Variants in CNTLN observed in about 807,000 individuals in gnomAD.
CNTLN encodes centlein, centrosomal protein.
In CNTLN, 212 loss-of-function variants were observed where a neutral mutation model predicts 180.0. The observed-to-expected ratio is 1.18, with a 90% CI of 1.05 to 1.32. CNTLN has a LOEUF of 1.32. Among genes scored for constraint, CNTLN ranks in the 40% most tolerant of loss-of-function variants. The pLI is 0.00. For missense variants in CNTLN, 2,095 were observed against 1,610.9 expected, an observed-to-expected ratio of 1.30 and a Z score of -5.14; for synonymous variants, 722 against 563.1, an observed-to-expected ratio of 1.28 and a Z score of -3.99.
At chr9:17,306,484 TG>T (rs1818726058) in intron 7 of CNTLN, among the ~76,000 whole-genome samples, 1 of 152,136 alleles carries the variant, frequency 6.6e-6, no homozygotes, top group South Asian at 2.1e-4. Flanking sequence ...AGAAGTTAGA[TG>T]AGAGGAGATA....
At chr9:17,258,707 T>C (rs1826707830) in intron 5 of CNTLN, among the ~76,000 whole-genome samples, 1 of 147,402 alleles carries the variant, frequency 6.8e-6, no homozygotes, top group Non-Finnish European at 1.5e-5. Flanking sequence ...GTAATTTGGA[T>C]TCCTAGGTAT....
chr9:17,509,728 A>G, the CNTLN span, among the ~76,000 whole-genome samples: 1 of 152,084 alleles, frequency 6.6e-6, no homozygotes, highest in Admixed American at 6.5e-5. Flanking sequence ...CAGGGGGTGG[A>G]ATTGGGAGTG....
chr9:17,214,542 C>T (rs1370595038), intron 2 of CNTLN, among the ~76,000 whole-genome samples: 1 of 152,114 alleles, frequency 6.6e-6, no homozygotes, highest in Admixed American at 6.5e-5. Context: ...CTTGGAGTTG[C>T]TCTTCTCGAG....
chr9:17,216,615 CTTATT>C lies in CNTLN; in HGVS notation c.450-9581_450-9577del, dbSNP rs1232556216. Among the ~76,000 whole-genome samples the C allele has an allele frequency of 2.0e-5, 3 of 152,014 alleles. No homozygotes were observed. In the East Asian group the frequency reaches 5.8e-4, roughly 29 times the overall value. On this transcript the variant is annotated intron_variant, in intron 2 of 25. Coordinates refer to ENST00000380647, the MANE Select transcript of CNTLN (RefSeq NM_017738.4). The stretch of plus-strand genomic sequence containing the variant: ...GATTGTCTTATTTTTATTTCTATTT[CTTATT>C]TTATTTCAATTTTTAGAGTTAAAGT...
At chr9:17,159,212 G>A (rs1363747279) in intron 2 of CNTLN, among the ~76,000 whole-genome samples, 7 of 152,168 alleles carry the variant, frequency 4.6e-5, no homozygotes, top group African/African-American at 1.7e-4. Context: ...CAAGCATATG[G>A]TCTATCCTGA....
chr9:17,328,679 A>G (rs916307771), intron 8 of CNTLN, among the ~76,000 whole-genome samples: 1 of 152,172 alleles, frequency 6.6e-6, no homozygotes, highest in Admixed American at 6.5e-5. Context: ...GGGGAGGAAC[A>G]TATCTACTTG....
At chr9:17,475,004 A>G (rs1832254415) in intron 23 of CNTLN, among the ~76,000 whole-genome samples, 1 of 152,198 alleles carries the variant, frequency 6.6e-6, no homozygotes, top group Non-Finnish European at 1.5e-5. Flanking sequence ...TACTTCTGCA[A>G]CTTCACTTTC....
intron 15 of CNTLN, among the ~76,000 whole-genome samples, chr9:17,399,863 G>A (rs990566304): frequency 6.6e-6 from 1 of 152,146 alleles, no homozygotes; most frequent in Non-Finnish European, 1.5e-5. Context: ...TGAATGAACA[G>A]CCACACTAAG....
intron 2 of CNTLN, among the ~76,000 whole-genome samples, chr9:17,181,911 G>A (rs1283913056): frequency 6.6e-6 from 1 of 152,220 alleles, no homozygotes; most frequent in Non-Finnish European, 1.5e-5. Flanking sequence ...CCTTGTTATT[G>A]CTGGGCAGAG....
Position 17,363,069 on chromosome 9 carries a change from C to T in CNTLN, c.1887-3548C>T, listed in dbSNP as rs148690172. On this transcript the variant is annotated intron_variant, in intron 12 of 25. Coordinates refer to ENST00000380647, the MANE Select transcript of CNTLN (RefSeq NM_017738.4). ...GTCCCTGCAAAGGACATGAAGTCAT[C>T]CTTTTTTATGGCTGCATAGTATTCC... 9.8e-3 allele frequency among the ~76,000 whole-genome samples: 1,498 copies of T among 152,292 alleles called. 27 individuals carry two copies. The highest frequency in any genetic ancestry group is 0.034 in the African/African-American group (1,422 of 41,554).
intron 14 of CNTLN, among the ~76,000 whole-genome samples, chr9:17,389,147 A>G (rs1348253631): frequency 2.6e-5 from 4 of 152,062 alleles, no homozygotes; most frequent in Non-Finnish European, 1.5e-5. Flanking sequence ...ACAGCAGATA[A>G]TGTGATTGTT....
chr9:17,393,459 A>G (rs575856043), intron 14 of CNTLN, among the ~76,000 whole-genome samples: 2 of 152,132 alleles, frequency 1.3e-5, no homozygotes, highest in African/African-American at 4.8e-5. Context: ...TTCATTTTCC[A>G]TACACGTCTG....
the CNTLN span, among the ~76,000 whole-genome samples, chr9:17,510,418 G>A: frequency 6.6e-6 from 1 of 152,286 alleles, no homozygotes; most frequent in Non-Finnish European, 1.5e-5. Flanking sequence ...TGAATTTTGT[G>A]TGTCAACCTG....
the CNTLN span, among the ~76,000 whole-genome samples, chr9:17,518,036 C>CTTTTTTTTTTTTTTTTTT: frequency 5.8e-5 from 4 of 69,244 alleles, no homozygotes; most frequent in Admixed American, 2.7e-4. Flanking sequence ...TTTTCTTTTC[C>CTTTTTTTTTTTTTTTTTT]TTTTTTTTTT....
At chr9:17,173,414 A>T (rs1040167506) in intron 2 of CNTLN, among the ~76,000 whole-genome samples, 4 of 152,048 alleles carry the variant, frequency 2.6e-5, no homozygotes, top group Non-Finnish European at 4.4e-5. Context: ...TGATACCCTG[A>T]TGCGTCTTAT....
intron 2 of CNTLN, among the ~76,000 whole-genome samples, chr9:17,153,024 A>G (rs1819001655): frequency 6.6e-6 from 1 of 151,954 alleles, no homozygotes; most frequent in African/African-American, 2.4e-5. Context: ...ATATTCTTCC[A>G]TCCCTGTATT....
intron 15 of CNTLN, among the ~76,000 whole-genome samples, chr9:17,397,848 T>C (rs938829350): frequency 4.6e-5 from 7 of 152,176 alleles, no homozygotes; most frequent in Non-Finnish European, 8.8e-5. Context: ...TTTTACACCA[T>C]GATTAGTGTT....
At chr9:17,211,598 A>G (rs1339076235) in intron 2 of CNTLN, among the ~76,000 whole-genome samples, 1 of 152,140 alleles carries the variant, frequency 6.6e-6, no homozygotes, top group Non-Finnish European at 1.5e-5. Context: ...GAAGAAAGTC[A>G]TTGGTAGCTT....
intron 16 of CNTLN, among the ~76,000 whole-genome samples, chr9:17,413,396 A>G (rs1199387232): frequency 6.6e-6 from 1 of 152,158 alleles, no homozygotes; most frequent in Non-Finnish European, 1.5e-5. Flanking sequence ...GATCCATAAA[A>G]GAAAACAACA....
Sources: gnomAD v4.1 joint callset for allele counts (sites outside exome capture counted in the v4.1 genomes callset) on GRCh38, gnomAD v4.1.1 for gene constraint, MANE v1.5 for transcripts, NCBI Gene and HGNC (gene_info 2026-07-23, HGNC 2026-07-21) for gene names.